Variants in ANO6 observed in about 807,000 individuals in gnomAD.
The protein encoded by ANO6 is anoctamin 6, also known as anoctamin-6.
ANO6 carries 106 observed loss-of-function variants against 117.5 expected under a neutral mutation model. That is an observed-to-expected ratio of 0.90 (90% CI 0.77 to 1.06). The LOEUF (loss-of-function observed/expected upper bound fraction) is 1.06, where lower values mean the gene tolerates loss of function less well. Among genes scored for constraint, ANO6 ranks in the 50% least tolerant of loss-of-function variants. The probability of loss-of-function intolerance (pLI) is 0.00; values close to 1 mark genes in which losing one functional copy is unlikely to be tolerated. For missense variants in ANO6, 955 were observed against 1,121.1 expected, an observed-to-expected ratio of 0.85 and a Z score of 2.12; for synonymous variants, 367 against 385.1, an observed-to-expected ratio of 0.95 and a Z score of 0.55.
At chr12:45,241,873 AG>A (rs1947749763) in intron 1 of ANO6, among the ~76,000 whole-genome samples, 1 of 152,226 alleles carries the variant, frequency 6.6e-6, no homozygotes, top group Admixed American at 6.5e-5. Context: ...GGGTATCACC[AG>A]TTGAGGCTGC....
chr12:45,390,536 T>G (rs1350443991), intron 12 of ANO6, 38 bp downstream of exon 12: 1 of 1,562,048 alleles, frequency 6.4e-7, no homozygotes, highest in Non-Finnish European at 8.8e-7. Flanking sequence ...TGATTAAAAA[T>G]GTTTTTATTA....
intron 1 of ANO6, among the ~76,000 whole-genome samples, chr12:45,284,457 A>C (rs975270921): frequency 2.0e-5 from 3 of 152,358 alleles, no homozygotes; most frequent in Admixed American, 6.5e-5. Flanking sequence ...AAGGGGATTG[A>C]GAGATACGCG....
chr12:45,276,968 G>A (rs193259402), intron 1 of ANO6, among the ~76,000 whole-genome samples: 1 of 152,300 alleles, frequency 6.6e-6, no homozygotes, highest in African/African-American at 2.4e-5. Context: ...TCTGTTCGCT[G>A]TTCCCCAGAG....
chr12:45,302,935 A>G (rs1044608886), intron 2 of ANO6, among the ~76,000 whole-genome samples: 2 of 152,174 alleles, frequency 1.3e-5, no homozygotes, highest in African/African-American at 2.4e-5. Flanking sequence ...TTTATTTTCA[A>G]TGTGATATAC....
chr12:45,434,945 C>A (rs576486101), downstream of ANO6, among the ~76,000 whole-genome samples: 1 of 152,274 alleles, frequency 6.6e-6, no homozygotes, highest in East Asian at 1.9e-4. Context: ...CTTCAGTCTC[C>A]TTCATGAGGA....
chr12:45,369,457 T>A (rs1041192876), intron 9 of ANO6, among the ~76,000 whole-genome samples: 18 of 152,144 alleles, frequency 1.2e-4, no homozygotes, highest in African/African-American at 4.3e-4. Flanking sequence ...CTACCCTCCT[T>A]AAGCACATGA....
At chr12:45,439,936 T>A (rs532579641) in exon 20 of ANO6, 1 of 1,473,756 alleles carries the variant, frequency 6.8e-7, no homozygotes, top group African/African-American at 1.4e-5. Flanking sequence ...TTTCTTAAGT[T>A]AGATTTATTC....
chr12:45,422,591 T>TTTTTC (rs1943392543), intron 18 of ANO6, among the ~76,000 whole-genome samples: 1 of 151,880 alleles, frequency 6.6e-6, no homozygotes, highest in South Asian at 2.1e-4. Flanking sequence ...TTTTTTTTTT[T>TTTTTC]TGAGACAGCG....
intron 9 of ANO6, among the ~76,000 whole-genome samples, chr12:45,373,756 G>A (rs1941918059): frequency 6.6e-6 from 1 of 152,126 alleles, no homozygotes; most frequent in Admixed American, 6.5e-5. Context: ...ACAAGAGAAA[G>A]CAGGAAAGAT....
Position 45,357,372 on chromosome 12 carries a change from G to C in ANO6, c.946G>C (p.Gly316Arg). Residue 316 changes from glycine (G) to arginine (R), a missense_variant, in exon 8 of 20, where the codon GGA (glycine) becomes CGA (arginine). By Grantham distance (125) the Gly-to-Arg change is moderately radical. Coordinates refer to ENST00000320560, the MANE Select transcript of ANO6 (RefSeq NM_001025356.3). Reference protein sequence around the residue: ...TQMLLLAAVVGVACFLYGYLN... With the variant: ...TQMLLLAAVVRVACFLYGYLN... ...GATGCTTCTCCTGGCCGCAGTTGTA[G>C]GAGTGGCTTGCTTTCTCTATGGATA... 6.2e-7 allele frequency: 1 copy of C among 1,613,988 alleles called. No individual in the cohort carries two copies. Among genetic ancestry groups the C allele is most frequent in the Non-Finnish European group, 8.5e-7 (1 of 1,179,982 alleles).
chr12:45,363,874 C>A (rs1593016481), intron 8 of ANO6, among the ~76,000 whole-genome samples: 2 of 152,292 alleles, frequency 1.3e-5, no homozygotes, highest in Admixed American at 1.3e-4. Context: ...GATTGTGAGG[C>A]CTTCCCAGCC....
chr12:45,296,088 TG>T (rs1939284797), intron 1 of ANO6, among the ~76,000 whole-genome samples: 1 of 152,170 alleles, frequency 6.6e-6, no homozygotes, highest in Admixed American at 6.5e-5. Flanking sequence ...CTTGAACTCC[TG>T]GTGTCAGGTG....
At chr12:45,366,322 T>G (rs1941684799) in intron 8 of ANO6, among the ~76,000 whole-genome samples, 1 of 152,174 alleles carries the variant, frequency 6.6e-6, no homozygotes, top group African/African-American at 2.4e-5. Flanking sequence ...GTTTCTTGTT[T>G]ATGCAATTCT....
intron 1 of ANO6, among the ~76,000 whole-genome samples, chr12:45,279,764 G>A (rs746351946): frequency 1.4e-4 from 22 of 152,136 alleles, no homozygotes; most frequent in African/African-American, 2.2e-4. Flanking sequence ...CTCTTTTTAC[G>A]CATAGATTTA....
chr12:45,326,680 T>G (rs1444030397), intron 2 of ANO6, among the ~76,000 whole-genome samples: 1 of 152,202 alleles, frequency 6.6e-6, no homozygotes, highest in Non-Finnish European at 1.5e-5. Context: ...TCAAGGTCAC[T>G]GTATACATCA....
At chr12:45,262,724 T>C (rs1938082992) in intron 1 of ANO6, among the ~76,000 whole-genome samples, 1 of 152,178 alleles carries the variant, frequency 6.6e-6, no homozygotes, top group Non-Finnish European at 1.5e-5. Flanking sequence ...GCGCCCGGCT[T>C]TCCAGAGCTT....
At chr12:45,289,616 A>G (rs1301241444) in intron 1 of ANO6, among the ~76,000 whole-genome samples, 4 of 152,232 alleles carry the variant, frequency 2.6e-5, no homozygotes, top group Admixed American at 1.3e-4. Context: ...TAAAAGTAGT[A>G]TATCAATTCT....
intron 1 of ANO6, among the ~76,000 whole-genome samples, chr12:45,253,246 A>C (rs1426028727): frequency 6.6e-6 from 1 of 152,270 alleles, no homozygotes; most frequent in Non-Finnish European, 1.5e-5. Context: ...GAGAATATAC[A>C]GAGAAAATGA....
At chr12:45,371,013 C>T (rs972236606) in intron 9 of ANO6, among the ~76,000 whole-genome samples, 18 of 152,156 alleles carry the variant, frequency 1.2e-4, no homozygotes, top group South Asian at 2.1e-4. Flanking sequence ...GCACCGTGCG[C>T]GAGCCGAAGC....
Sources: allele counts gnomAD v4.1 joint callset (sites outside exome capture counted in the v4.1 genomes callset), GRCh38; gene constraint gnomAD v4.1.1; transcripts MANE v1.5; gene names NCBI Gene and HGNC (gene_info 2026-07-23, HGNC 2026-07-21).